The following GALNTL6 variants were observed in gnomAD, a reference collection of about 807,000 sequenced individuals.
GALNTL6 encodes polypeptide N-acetylgalactosaminyltransferase like 6.
GALNTL6 carries 46 observed loss-of-function variants against 73.7 expected under a neutral mutation model. That is an observed-to-expected ratio of 0.62 (90% CI 0.49 to 0.80). GALNTL6 has a LOEUF of 0.80. Among genes scored for constraint, GALNTL6 ranks in the 30% least tolerant of loss-of-function variants. The probability of loss-of-function intolerance (pLI) is 0.00; values close to 1 mark genes in which losing one functional copy is unlikely to be tolerated. For missense variants in GALNTL6, 604 were observed against 755.0 expected (o/e 0.80, Z 2.34); for synonymous variants, 259 against 263.7 (o/e 0.98, Z 0.17).
intron 2 of GALNTL6, among the ~76,000 whole-genome samples, chr4:171,925,554 A>T (rs1737950206): frequency 6.6e-6 from 1 of 152,212 alleles, no homozygotes; most frequent in African/African-American, 2.4e-5. Context: ...AGAATGAATT[A>T]AAGAAGCAAC....
intron 5 of GALNTL6, among the ~76,000 whole-genome samples, chr4:172,473,183 A>C (rs971870845): frequency 1.3e-5 from 2 of 152,122 alleles, no homozygotes; most frequent in African/African-American, 2.4e-5. Context: ...TCTACGCACT[A>C]TCCCAGGCCA....
intron 5 of GALNTL6, among the ~76,000 whole-genome samples, chr4:172,583,893 CAAAA>C (rs57722016): frequency 3.2e-5 from 1 of 31,618 alleles, no homozygotes; most frequent in Admixed American, 4.0e-4. Context: ...GACTCTGTCT[CAAAA>C]AAAAAAAAAA....
chr4:172,621,438 A>G (rs1316764730), intron 5 of GALNTL6, among the ~76,000 whole-genome samples: 3 of 152,154 alleles, frequency 2.0e-5, no homozygotes, highest in Non-Finnish European at 4.4e-5. Flanking sequence ...CTTGTCTTTC[A>G]CAATTGCTAG....
At chr4:172,962,766 C>A (rs961946334) in intron 10 of GALNTL6, among the ~76,000 whole-genome samples, 1 of 151,896 alleles carries the variant, frequency 6.6e-6, no homozygotes, top group Non-Finnish European at 1.5e-5. Flanking sequence ...CGTGCTTAGG[C>A]AATTTTTGGC....
At chr4:172,686,308 G>GC (rs1006147143) in intron 5 of GALNTL6, among the ~76,000 whole-genome samples, 43 of 152,052 alleles carry the variant, frequency 2.8e-4, no homozygotes, top group Non-Finnish European at 4.9e-4. Context: ...CCTGAGCAGA[G>GC]CCTCAGACCC....
intron 5 of GALNTL6, among the ~76,000 whole-genome samples, chr4:172,675,697 T>C (rs1165814489): frequency 6.6e-6 from 1 of 152,222 alleles, no homozygotes; most frequent in Non-Finnish European, 1.5e-5. Flanking sequence ...GGCTAAAAAA[T>C]GGCAAAGGCC....
chr4:172,331,307 T>A (rs1266646117), intron 4 of GALNTL6, among the ~76,000 whole-genome samples: 1 of 151,598 alleles, frequency 6.6e-6, no homozygotes, highest in Non-Finnish European at 1.5e-5. Context: ...TGAGATGGAG[T>A]TTCACTCTGT....
intron 2 of GALNTL6, among the ~76,000 whole-genome samples, chr4:172,108,009 T>C (rs1732735928): frequency 6.6e-6 from 1 of 152,166 alleles, no homozygotes; most frequent in African/African-American, 2.4e-5. Context: ...TACATAAGTA[T>C]TCAAAGTCCA....
chr4:172,835,463 T>G (rs559593082), intron 7 of GALNTL6, among the ~76,000 whole-genome samples: 2 of 152,212 alleles, frequency 1.3e-5, no homozygotes, highest in East Asian at 1.9e-4. Context: ...CTTGGCTCCA[T>G]GGGGAGTTCT....
chr4:172,468,203 A>ATACTGTG (rs1357218043), intron 5 of GALNTL6, among the ~76,000 whole-genome samples: 1 of 152,036 alleles, frequency 6.6e-6, no homozygotes, highest in African/African-American at 2.4e-5. Flanking sequence ...ACATTTCCCA[A>ATACTGTG]TACTGTGATT....
intron 7 of GALNTL6, among the ~76,000 whole-genome samples, chr4:172,828,153 T>C (rs1158545830): frequency 5.3e-5 from 8 of 151,238 alleles, no homozygotes; most frequent in Admixed American, 5.3e-4. Flanking sequence ...GCACCTGTAA[T>C]CCCAGCTACT....
intron 10 of GALNTL6, among the ~76,000 whole-genome samples, chr4:172,965,795 G>C (rs997721574): frequency 9.2e-5 from 14 of 151,656 alleles, no homozygotes; most frequent in Admixed American, 3.3e-4. Flanking sequence ...AAAACATTCT[G>C]TCTTATCTTT....
chr4:172,659,746 T>C (rs1035143081), intron 5 of GALNTL6, among the ~76,000 whole-genome samples: 15 of 152,186 alleles, frequency 9.9e-5, no homozygotes, highest in Non-Finnish European at 1.3e-4. Context: ...TTAAGTAAGG[T>C]AATTATCCTA....
At chr4:171,836,662 G>A (rs1213195854) in intron 2 of GALNTL6, among the ~76,000 whole-genome samples, 1 of 152,076 alleles carries the variant, frequency 6.6e-6, no homozygotes, top group African/African-American at 2.4e-5. Context: ...CCACAGAAGA[G>A]TTTTCATTGT....
intron 2 of GALNTL6, among the ~76,000 whole-genome samples, chr4:171,907,181 A>T (rs1376320655): frequency 6.6e-6 from 1 of 152,098 alleles, no homozygotes; most frequent in Non-Finnish European, 1.5e-5. Context: ...AGGGTATTCA[A>T]TTAGGAAAAG....
intron 2 of GALNTL6, among the ~76,000 whole-genome samples, chr4:171,981,162 G>A (rs1262683062): frequency 6.6e-6 from 1 of 152,196 alleles, no homozygotes; most frequent in East Asian, 1.9e-4. Flanking sequence ...AGGAAGACAT[G>A]AAACAATAAT....
At chr4:172,841,799 A>G (rs1743226098) in intron 7 of GALNTL6, among the ~76,000 whole-genome samples, 1 of 152,180 alleles carries the variant, frequency 6.6e-6, no homozygotes. Flanking sequence ...TGAGATTTGG[A>G]TGGGGACACA....
At chr4:172,005,090 C>T (rs185995130) in intron 2 of GALNTL6, among the ~76,000 whole-genome samples, 2 of 147,990 alleles carry the variant, frequency 1.4e-5, no homozygotes, top group African/African-American at 4.9e-5. Context: ...TTAGAAATAG[C>T]TTCTCTTAAA....
intron 7 of GALNTL6, among the ~76,000 whole-genome samples, chr4:172,833,248 C>T (rs973373694): frequency 3.9e-5 from 6 of 152,142 alleles, no homozygotes; most frequent in African/African-American, 1.2e-4. Context: ...ATAAAGTGCC[C>T]ACTATTTTCT....
Sources: gnomAD v4.1 joint callset for allele counts (sites outside exome capture counted in the v4.1 genomes callset) on GRCh38, gnomAD v4.1.1 for gene constraint, MANE v1.5 for transcripts, NCBI Gene and HGNC (gene_info 2026-07-23, HGNC 2026-07-21) for gene names.